Variants in FGF2 observed in about 807,000 individuals in gnomAD.
FGF2 encodes the protein fibroblast growth factor 2.
Under a neutral mutation model 15.9 loss-of-function variants are expected in FGF2, and 13 were observed. The ratio of observed to expected loss-of-function variants is 0.82; its 90% CI spans 0.53 to 1.30. FGF2 has a LOEUF of 1.30. Ranked by LOEUF, FGF2 falls within the 50% of genes most tolerant of loss-of-function variation. The probability of loss-of-function intolerance (pLI) is 0.00; values close to 1 mark genes in which losing one functional copy is unlikely to be tolerated. For synonymous variants in FGF2, 90 were observed against 78.4 expected, an observed-to-expected ratio of 1.15 and a Z score of -0.78; for missense variants, 163 against 196.9, an observed-to-expected ratio of 0.83 and a Z score of 1.03.
chr4:122,855,132 G>A (rs867662402), intron 1 of FGF2, among the ~76,000 whole-genome samples: 1 of 152,198 alleles, frequency 6.6e-6, no homozygotes, highest in African/African-American at 2.4e-5. Flanking sequence ...CCTAGGGAAA[G>A]TAACATGGCC....
intron 1 of FGF2, among the ~76,000 whole-genome samples, chr4:122,857,355 T>A (rs903395024): frequency 6.6e-6 from 1 of 152,208 alleles, no homozygotes; most frequent in Non-Finnish European, 1.5e-5. Flanking sequence ...ACTCCCCTTT[T>A]CTCTCTATCT....
chr4:122,871,824 TCAA>T (rs1238712026), intron 1 of FGF2, among the ~76,000 whole-genome samples: 3 of 134,732 alleles, frequency 2.2e-5, no homozygotes, highest in African/African-American at 2.8e-5. Flanking sequence ...AACAACAGCA[TCAA>T]CAACAACAAA....
chr4:122,837,884 C>G (rs1461208114), intron 1 of FGF2, among the ~76,000 whole-genome samples: 1 of 151,930 alleles, frequency 6.6e-6, no homozygotes, highest in Non-Finnish European at 1.5e-5. Flanking sequence ...TCCTTATCTT[C>G]TTTGGGGTAA....
chr4:122,851,032 C>A (rs562636059), intron 1 of FGF2, among the ~76,000 whole-genome samples: 1 of 152,248 alleles, frequency 6.6e-6, no homozygotes, highest in African/African-American at 2.4e-5. Flanking sequence ...GTATTTTCAT[C>A]CATTCCCCTA....
intron 1 of FGF2, among the ~76,000 whole-genome samples, chr4:122,860,447 CTTTTTTT>C (rs34541038): frequency 1.1e-4 from 10 of 90,932 alleles, no homozygotes; most frequent in African/African-American, 2.5e-4. Flanking sequence ...CTAAGGTTAA[CTTTTTTT>C]TTTTTTTTTT....
intron 1 of FGF2, among the ~76,000 whole-genome samples, chr4:122,835,291 C>A (rs1046434267): frequency 6.6e-6 from 1 of 152,032 alleles, no homozygotes; most frequent in African/African-American, 2.4e-5. Context: ...ACTCCTCAGG[C>A]GGTTATACTT....
chr4:122,887,764 G>T (rs1039387470), intron 2 of FGF2, among the ~76,000 whole-genome samples: 4 of 152,190 alleles, frequency 2.6e-5, no homozygotes, highest in African/African-American at 9.6e-5. Flanking sequence ...GCCTCCAGGG[G>T]AACCTTGAGG....
intron 1 of FGF2, among the ~76,000 whole-genome samples, chr4:122,873,947 G>A (rs1726788203): frequency 6.6e-6 from 1 of 152,210 alleles, no homozygotes; most frequent in Non-Finnish European, 1.5e-5. Flanking sequence ...ATGAGTAAAT[G>A]AATTATGTTT....
chr4:122,844,969 C>T (rs1726080829), intron 1 of FGF2, among the ~76,000 whole-genome samples: 1 of 152,184 alleles, frequency 6.6e-6, no homozygotes, highest in African/African-American at 2.4e-5. Context: ...TTACCCAGAT[C>T]CATTGGAGGA....
intron 1 of FGF2, among the ~76,000 whole-genome samples, chr4:122,865,267 C>G (rs1313121166): frequency 6.8e-6 from 1 of 148,062 alleles, no homozygotes; most frequent in Non-Finnish European, 1.5e-5. Context: ...GATTTATTTT[C>G]TCTGTTTTTT....
intron 1 of FGF2, among the ~76,000 whole-genome samples, chr4:122,829,437 A>G (rs2150759676): frequency 6.6e-6 from 1 of 152,324 alleles, no homozygotes; most frequent in South Asian, 2.1e-4. Context: ...TTTTGACCCC[A>G]AATGTCACTA....
chr4:122,828,661 G>A (rs1389495444), intron 1 of FGF2, among the ~76,000 whole-genome samples: 1 of 152,220 alleles, frequency 6.6e-6, no homozygotes, highest in Non-Finnish European at 1.5e-5. Context: ...TTTCATATGA[G>A]CTGAGTCTTT....
rs1013302459 is a variant in FGF2 at position 122,827,043 on chromosome 4, G to C, written c.-132G>C. ...CCGCGGGCGCGGCCGCGCGCTGCCGGGCGGGAGGCTGGGGGGCCGGGGCCG... is the reference window on the plus strand; with the variant it reads ...CCGCGGGCGCGGCCGCGCGCTGCCGCGCGGGAGGCTGGGGGGCCGGGGCCG... On this transcript the variant is annotated 5_prime_UTR_variant, in exon 1 of 3. Transcript: ENST00000644866. The surrounding 1 kb of genome is among the most constrained non-coding windows in gnomAD (Gnocchi z 4.2). The C allele has an allele frequency of 8.7e-7, 1 of 1,144,366 alleles. No homozygotes were observed. Among genetic ancestry groups the C allele is most frequent in the East Asian group, 4.3e-5 (1 of 23,420 alleles). 70.9% of individuals were successfully genotyped at this position (1,144,366 alleles called of 1,614,324 possible). A position where few individuals can be genotyped will look rare whatever the true frequency, so the allele number is the denominator to read the frequency against.
At position 122,897,419 on chromosome 4, in the gene FGF2, A is replaced by T; in HGVS notation, c.*5023A>T. On this transcript the variant is annotated 3_prime_UTR_variant, in exon 3 of 3. Transcript: ENST00000644866. ...AAGAATAGGTGGTATGTTCCTAATG[A>T]TATTATTTCTACTAATGGAATAAAC... is the stretch of plus-strand genomic sequence containing the variant. 1 of 581,282 alleles carries T rather than the reference A, an allele frequency of 1.7e-6. No homozygotes were observed. Among genetic ancestry groups the T allele is most frequent in the South Asian group, 2.1e-5 (1 of 47,004 alleles). 36.0% of individuals were successfully genotyped at this position (581,282 alleles called of 1,614,324 possible).
chr4:122,862,068 C>T (rs1343636903), intron 1 of FGF2, among the ~76,000 whole-genome samples: 2 of 152,120 alleles, frequency 1.3e-5, no homozygotes, highest in East Asian at 3.8e-4. Context: ...ATCGCCTCAA[C>T]CATGCTGTAT....
At position 122,876,323 on chromosome 4, in the gene FGF2, A is replaced by T. The variant is rs1461756902; in HGVS notation, c.181A>T (p.Lys61Ter). 1.9e-6 allele frequency: 3 copies of T among 1,601,622 alleles called. No individual in the cohort carries two copies. The Admixed American group carries it at 5.0e-5, about 27-fold the overall frequency. ...GATAATTTTTTTTCCCGTTACAGTC[A>T]AGCTACAACTTCAAGCAGAAGAGAG... is the stretch of plus-strand genomic sequence containing the variant. ...GVREKSDPHI[K>*]LQLQAEERGV... Residue 61 changes from lysine (K) to a stop codon, truncating the protein, a stop_gained and splice_region_variant, in exon 2 of 3, where the codon AAG becomes TAG. Transcript: ENST00000644866. LOFTEE classifies it high-confidence loss of function.
chr4:122,826,724 G>A (rs1725632678), upstream of FGF2: 1 of 1,256,516 alleles, frequency 8.0e-7, no homozygotes, highest in Non-Finnish European at 1.0e-6. Context: ...CAGAAAACCC[G>A]AGCGAGTAGG....
intron 1 of FGF2, among the ~76,000 whole-genome samples, chr4:122,861,914 T>A (rs1726478829): frequency 1.3e-5 from 2 of 152,210 alleles, no homozygotes; most frequent in African/African-American, 4.8e-5. Context: ...TCTTTCAGTC[T>A]CCAATCATTT....
chr4:122,833,505 A>G (rs1188504658), intron 1 of FGF2, among the ~76,000 whole-genome samples: 1 of 152,222 alleles, frequency 6.6e-6, no homozygotes, highest in Non-Finnish European at 1.5e-5. Context: ...ATTTGTACAG[A>G]GTAGTAATGA....
Sources: gnomAD v4.1 joint callset for allele counts (sites outside exome capture counted in the v4.1 genomes callset) on GRCh38, gnomAD v4.1.1 for gene constraint, Gnocchi (gnomAD v3.1) non-coding constraint, MANE v1.5 for transcripts, NCBI Gene and HGNC (gene_info 2026-07-23, HGNC 2026-07-21) for gene names.